PCDHGA1: variants seen among roughly 807,000 people sequenced by gnomAD.
The protein encoded by PCDHGA1 is protocadherin gamma-A1.
Under a neutral mutation model 58.0 loss-of-function variants are expected in PCDHGA1, and 32 were observed. The observed-to-expected ratio is 0.55, with a 90% CI of 0.42 to 0.74. PCDHGA1 has a LOEUF of 0.74. Among genes scored for constraint, PCDHGA1 ranks in the 30% least tolerant of loss-of-function variants. The pLI, the probability that PCDHGA1 is intolerant of heterozygous loss-of-function variation, is 0.00. For missense variants in PCDHGA1, 1,205 were observed against 1,182.3 expected (o/e 1.02, Z -0.28); for synonymous variants, 498 against 501.1 (o/e 0.99, Z 0.08).
intron 1 of PCDHGA1, chr5:141,362,171 G>A (rs62378417): frequency 2.4e-5 from 39 of 1,613,760 alleles, no homozygotes; most frequent in Non-Finnish European, 2.6e-5. Context: ...AGCGACCGCC[G>A]GGAGCCCTCT....
At chr5:141,375,992 G>C in intron 1 of PCDHGA1, 5 of 1,613,446 alleles carry the variant, frequency 3.1e-6, no homozygotes, top group Non-Finnish European at 4.2e-6. Context: ...GGACAGAGAC[G>C]CGCTCAAGCA....
chr5:141,367,668 G>T (rs1218712700), intron 1 of PCDHGA1: 2 of 152,216 alleles, frequency 1.3e-5, no homozygotes, highest in East Asian at 3.9e-4. Flanking sequence ...TGGATATGTG[G>T]GCTTGTTGAG....
chr5:141,399,349 C>A (rs1467940246), intron 1 of PCDHGA1: 15 of 1,613,814 alleles, frequency 9.3e-6, no homozygotes, highest in African/African-American at 1.3e-5. Flanking sequence ...AACCCTAGAC[C>A]GAGAGCAAAC....
At chr5:141,419,644 C>T (rs867285747) in intron 1 of PCDHGA1, 1 of 1,612,514 alleles carries the variant, frequency 6.2e-7, no homozygotes, top group Middle Eastern at 1.7e-4. Context: ...TGGCCGTGGA[C>T]GCGGACTCGG....
chr5:141,332,164 G>A lies in PCDHGA1; in HGVS notation c.1480G>A (p.Asp494Asn), dbSNP rs142231440. The A allele has an allele frequency of 2.5e-5, 40 of 1,613,996 alleles. No homozygotes were observed. The highest frequency in any genetic ancestry group is 3.1e-5 in the Non-Finnish European group (37 of 1,180,030). Residue 494 changes from aspartate (D) to asparagine (N), a missense_variant, in exon 1 of 4, where the codon GAC (aspartate) becomes AAC (asparagine). Transcript: ENST00000517417. This position sits in a 1 kb window ranked among gnomAD's most constrained non-coding sequence, Gnocchi z 4.6. ...ACAAATCACTTACTCCCTAATAGAG[G>A]ACACTATCCAGGGGGCACCCCTATC... ...NAQITYSLIE[D>N]TIQGAPLSAY... is the part of the protein sequence containing the mutation.
intron 1 of PCDHGA1, chr5:141,399,174 T>G: frequency 1.2e-6 from 2 of 1,613,818 alleles, no homozygotes; most frequent in Non-Finnish European, 1.7e-6. Context: ...ATTCTCTACT[T>G]GAAATGATTC....
rs1236959966 is a variant in PCDHGA1, at chr5:141,511,984, G to C, written c.*811G>C. On this transcript the variant is annotated 3_prime_UTR_variant, in exon 4 of 4. Transcript: ENST00000517417. ...GGGAAGTGTGTGGATGTGGATGGTGGGGGCATGGACAAAGCTTGACACATC... is the reference window on the plus strand; with the variant it reads ...GGGAAGTGTGTGGATGTGGATGGTGCGGGCATGGACAAAGCTTGACACATC... 1 of 153,294 alleles carries C rather than the reference G, an allele frequency of 6.5e-6. No individual in the cohort carries two copies. Among genetic ancestry groups the C allele is most frequent in the African/African-American group, 2.4e-5 (1 of 41,452 alleles). 9.5% of individuals were successfully genotyped at this position (153,294 alleles called of 1,614,324 possible). A position where few individuals can be genotyped will look rare whatever the true frequency, so the allele number is the denominator to read the frequency against.
chr5:141,413,762 C>T (rs538764130), intron 1 of PCDHGA1: 3 of 1,612,894 alleles, frequency 1.9e-6, no homozygotes, highest in Admixed American at 1.7e-5. Flanking sequence ...GTCAAGTACC[C>T]GGAGCTGGTA....
intron 2 of PCDHGA1, among the ~76,000 whole-genome samples, chr5:141,497,809 G>A (rs1256990692): frequency 1.3e-5 from 2 of 152,190 alleles, no homozygotes. Context: ...CAAAGTGCTA[G>A]AATTACAGGT....
chr5:141,398,203 T>C (rs1365410987), intron 1 of PCDHGA1: 2 of 1,489,610 alleles, frequency 1.3e-6, no homozygotes. Flanking sequence ...GTCTTTGTTC[T>C]GCCCGGCGCT....
chr5:141,365,083 T>G (rs1763725289), intron 1 of PCDHGA1: 1 of 1,613,804 alleles, frequency 6.2e-7, no homozygotes, highest in Non-Finnish European at 8.5e-7. Context: ...GCGTGAGTGT[T>G]CCAGAGAACA....
chr5:141,347,696 A>G (rs573107838), intron 1 of PCDHGA1, among the ~76,000 whole-genome samples: 1 of 152,166 alleles, frequency 6.6e-6, no homozygotes, highest in East Asian at 1.9e-4. Context: ...CTGAGGCAGA[A>G]GAATTGCTTA....
At chr5:141,345,112 G>A (rs1264127717) in intron 1 of PCDHGA1, 2 of 1,613,964 alleles carry the variant, frequency 1.2e-6, no homozygotes, top group Non-Finnish European at 1.7e-6. Flanking sequence ...CCAGAAGAGG[G>A]CACCGTTGGA....
chr5:141,426,565 T>G, intron 1 of PCDHGA1: 1 of 351,600 alleles, frequency 2.8e-6, no homozygotes, highest in Non-Finnish European at 5.7e-6. Flanking sequence ...AGATCGAGAG[T>G]CACTGTCTTC....
At chr5:141,350,149 C>A in intron 1 of PCDHGA1, 1 of 929,394 alleles carries the variant, frequency 1.1e-6, no homozygotes, top group Non-Finnish European at 1.5e-6. Context: ...TCCTGTTCAC[C>A]CTCGAGCGCC....
Position 141,347,137 on chromosome 5 carries a change from C to CTTTCTTTCTTTCTTTCTT in PCDHGA1, c.2421+14033_2421+14034insTTCTTTCTTTCTTTCTTT, listed in dbSNP as rs1554073405. 5.3e-5 allele frequency among the ~76,000 whole-genome samples: 6 copies of CTTTCTTTCTTTCTTTCTT among 113,834 alleles called. No homozygotes were observed. In the East Asian group the frequency reaches 7.3e-4, roughly 14 times the overall value. 74.7% of individuals were successfully genotyped at this position (113,834 alleles called of 152,430 possible). On this transcript the variant is annotated intron_variant, in intron 1 of 3. Transcript: ENST00000517417. ...CTCCTTCCTTCCTTCCTCTGTTTCT[C>CTTTCTTTCTTTCTTTCTT]TCTTTCTTTCTTTCTTTCTTTCTTT...
intron 1 of PCDHGA1, chr5:141,392,710 C>T: frequency 7.4e-7 from 1 of 1,345,380 alleles, no homozygotes; most frequent in Non-Finnish European, 9.8e-7. Flanking sequence ...TGGAGGCACT[C>T]CAGGTTTCCG....
chr5:141,345,678 A>G (rs1044016495), intron 1 of PCDHGA1: 13 of 1,614,068 alleles, frequency 8.1e-6, no homozygotes, highest in Non-Finnish European at 1.1e-5. Flanking sequence ...CGTGTCGCTG[A>G]ACCTGTTCGT....
intron 1 of PCDHGA1, among the ~76,000 whole-genome samples, chr5:141,445,924 A>G (rs1451439271): frequency 6.6e-6 from 1 of 152,184 alleles, no homozygotes; most frequent in Non-Finnish European, 1.5e-5. Flanking sequence ...GTGACAAGAT[A>G]TTTGAATTAT....
Sources: gnomAD v4.1 joint callset for allele counts (sites outside exome capture counted in the v4.1 genomes callset) on GRCh38, gnomAD v4.1.1 for gene constraint, Gnocchi (gnomAD v3.1) non-coding constraint, MANE v1.5 for transcripts, NCBI Gene and HGNC (gene_info 2026-07-23, HGNC 2026-07-21) for gene names.